Variants in DHX38 observed in about 807,000 individuals in gnomAD.
The protein encoded by DHX38 is pre-mRNA-splicing factor ATP-dependent RNA helicase PRP16.
In DHX38, 100 loss-of-function variants were observed where a neutral mutation model predicts 153.1. The ratio of observed to expected loss-of-function variants is 0.65; its 90% confidence interval spans 0.56 to 0.77. The LOEUF is 0.77. Ranked by LOEUF, DHX38 falls within the 30% of genes least tolerant of loss-of-function variation. The pLI, the probability that DHX38 is intolerant of heterozygous loss-of-function variation, is 0.00. For synonymous variants in DHX38, 650 were observed against 631.7 expected, an observed-to-expected ratio of 1.03 and a Z score of -0.43; for missense variants, 1,440 against 1,654.0, an observed-to-expected ratio of 0.87 and a Z score of 2.24.
intron 18 of DHX38, 68 bp from the exon 19 acceptor site, chr16:72,105,937 T>C (rs1264209179): frequency 2.0e-6 from 3 of 1,471,622 alleles, no homozygotes; most frequent in Non-Finnish European, 2.8e-6. Context: ...GGGCTTGCCT[T>C]TGTCTCAGGC....
intron 2 of DHX38, 104 bp from the exon 3 acceptor site, chr16:72,096,718 G>C: frequency 6.7e-7 from 1 of 1,500,434 alleles, no homozygotes; most frequent in Non-Finnish European, 8.9e-7. Context: ...GTCCCAGGGA[G>C]AGAAAGTGGA....
intron 24 of DHX38, 77 bp downstream of exon 24, chr16:72,109,002 G>A: frequency 6.6e-7 from 1 of 1,512,912 alleles, no homozygotes; most frequent in Middle Eastern, 1.8e-4. Context: ...CTGCGTTCTG[G>A]CATGAGCTTT....
At chr16:72,099,340 C>A in intron 7 of DHX38, 60 bp downstream of exon 7, 3 of 1,446,882 alleles carry the variant, frequency 2.1e-6, no homozygotes, top group Non-Finnish European at 2.8e-6. Context: ...AGATGGGTGA[C>A]CCTCTAGCAG....
At chr16:72,098,577 G>A (rs1433355300) in intron 4 of DHX38, 68 bp from the exon 5 acceptor site, 9 of 1,564,420 alleles carry the variant, frequency 5.8e-6, no homozygotes, top group Non-Finnish European at 2.6e-6. Flanking sequence ...TTGACTTTTG[G>A]CAACTGGTTC....
At chr16:72,103,233 G>C (rs932894328) in intron 12 of DHX38, 22 bp downstream of exon 12, 2 of 1,609,896 alleles carry the variant, frequency 1.2e-6, no homozygotes, top group African/African-American at 1.3e-5. Flanking sequence ...CGGGGCCCAG[G>C]AATCTAGTGT....
Position 72,112,729 on chromosome 16 carries a change from G to C in DHX38, c.*232G>C, listed in dbSNP as rs1385376724. 5 of 705,616 alleles carry C rather than the reference G, an allele frequency of 7.1e-6. No individual in the cohort carries two copies. Among genetic ancestry groups the C allele is most frequent in the Non-Finnish European group, 1.3e-5 (5 of 387,672 alleles). 43.7% of individuals were successfully genotyped at this position (705,616 alleles called of 1,614,324 possible). On this transcript the variant is annotated 3_prime_UTR_variant, in exon 27 of 27. Coordinates refer to ENST00000268482, the MANE Select transcript of DHX38 (RefSeq NM_014003.4). ...GCTGCAGAGTATCCGAGGTGCTGCC[G>C]GGGCAGCGGGAGGTGGCTGGACCCA...
intron 3 of DHX38, chr16:72,097,414 T>G (rs1597438553): frequency 2.1e-6 from 1 of 470,424 alleles, no homozygotes; most frequent in East Asian, 3.6e-5. Flanking sequence ...TTAAAAAAAA[T>G]GATTCACTGT....
At chr16:72,099,679 G>A (rs1159898086) in intron 7 of DHX38, 53 bp from the exon 8 acceptor site, 13 of 1,602,874 alleles carry the variant, frequency 8.1e-6, no homozygotes, top group East Asian at 2.2e-5. Context: ...GCCATGTCTC[G>A]TGCATAAACT....
At position 72,112,725 on chromosome 16, in the gene DHX38, T is replaced by C. The variant is rs1567613907; in HGVS notation, c.*228T>C. The C allele has an allele frequency of 1.4e-6, 1 of 706,910 alleles. No individual in the cohort carries two copies. Among genetic ancestry groups the C allele is most frequent in the Non-Finnish European group, 2.6e-6 (1 of 388,738 alleles). 43.8% of individuals were successfully genotyped at this position (706,910 alleles called of 1,614,324 possible). On this transcript the variant is annotated 3_prime_UTR_variant, in exon 27 of 27. Transcript: ENST00000268482. Reference sequence around the variant, plus strand: ...CGGGGCTGCAGAGTATCCGAGGTGCTGCCGGGGCAGCGGGAGGTGGCTGGA... The same window carrying C: ...CGGGGCTGCAGAGTATCCGAGGTGCCGCCGGGGCAGCGGGAGGTGGCTGGA...
At chr16:72,110,264 C>T (rs1323429309) in intron 25 of DHX38, among the ~76,000 whole-genome samples, 2 of 152,218 alleles carry the variant, frequency 1.3e-5, no homozygotes, top group Non-Finnish European at 2.9e-5. Flanking sequence ...GCCTGTGTTT[C>T]GTGCACTTGC....
intron 19 of DHX38, among the ~76,000 whole-genome samples, chr16:72,106,455 T>TCTTTCTTTCTTTCTTTCTTTCCTTCC: frequency 6.7e-6 from 1 of 148,968 alleles, no homozygotes; most frequent in Non-Finnish European, 1.5e-5. Context: ...TTTCTTTCTT[T>TCTTTCTTTCTTTCTTTCTTTCCTTCC]TTTCCAATTA....
At position 72,109,035 on chromosome 16, in the gene DHX38, C is replaced by T. The variant is rs146842082; in HGVS notation, c.3381+110C>T. On this transcript the variant is annotated intron_variant, in intron 24 of 26. Transcript: ENST00000268482. ...TTTTAGCCTGGGAGCCTTGAGGCCA[C>T]ATGCATTGTTTTGCGGGGCATGTGA... The T allele has an allele frequency of 6.0e-3, 8,707 of 1,459,748 alleles. 41 individuals carry two copies. Among genetic ancestry groups the T allele is most frequent in the Middle Eastern group, 7.2e-3 (38 of 5,258 alleles). The allele number at this position is 1,459,748 out of a possible 1,614,324, so 90.4% of individuals were successfully genotyped here.
intron 17 of DHX38, 63 bp from the exon 18 acceptor site, chr16:72,105,454 C>T (rs1567609202): frequency 1.2e-6 from 2 of 1,605,238 alleles, no homozygotes; most frequent in East Asian, 2.2e-5. Context: ...AGGCTTTTCC[C>T]CCTCGCGGAG....
intron 1 of DHX38, among the ~76,000 whole-genome samples, chr16:72,095,894 G>GGTGTGTGTGT (rs67109934): frequency 6.8e-6 from 1 of 147,168 alleles, no homozygotes; most frequent in African/African-American, 2.5e-5. Context: ...GAATGTATGG[G>GGTGTGTGTGT]GTGTGTGTGT....
chr16:72,107,794 CCCAAGGTGGGG>C lies in DHX38; in HGVS notation c.2961_2964+7del. The stretch of plus-strand genomic sequence containing the variant: ...CTCGGTCCCAGCCATCTTCTACAGG[CCCAAGGTGGGG>C]CAGCGGCTGGCTCCCCTCTCCCCGG... On this transcript the variant is annotated splice_donor_variant and splice_donor_5th_base_variant and coding_sequence_variant and intron_variant, in exon 21 of 27. Transcript: ENST00000268482. LOFTEE classifies it high-confidence loss of function. This position sits in a 1 kb window ranked among gnomAD's most constrained non-coding sequence, Gnocchi z 5.3. 1 of 1,613,390 alleles carries C rather than the reference CCCAAGGTGGGG, an allele frequency of 6.2e-7. No individual in the cohort carries two copies.
At chr16:72,099,342 C>G (rs544199104) in intron 7 of DHX38, 62 bp downstream of exon 7, 1 of 1,427,618 alleles carries the variant, frequency 7.0e-7, no homozygotes, top group African/African-American at 1.4e-5. Flanking sequence ...ATGGGTGACC[C>G]TCTAGCAGGA....
intron 6 of DHX38, 62 bp downstream of exon 6, chr16:72,099,107 G>A: frequency 1.2e-6 from 2 of 1,604,668 alleles, no homozygotes; most frequent in Non-Finnish European, 1.7e-6. Context: ...GGATGAGCAG[G>A]GGCTGCCCTT....
intron 19 of DHX38, 65 bp downstream of exon 19, chr16:72,106,182 C>A: frequency 1.3e-6 from 2 of 1,510,304 alleles, no homozygotes. Flanking sequence ...GGAGCCCGGG[C>A]GGGGGCGGGC....
intron 3 of DHX38, 105 bp from the exon 4 acceptor site, chr16:72,097,572 G>T (rs964248341): frequency 1.3e-5 from 14 of 1,040,698 alleles, no homozygotes; most frequent in Admixed American, 4.0e-5. Context: ...GAGCAGTGCA[G>T]GTTGCACCTG....
Sources: allele counts gnomAD v4.1 joint callset (sites outside exome capture counted in the v4.1 genomes callset), GRCh38; gene constraint gnomAD v4.1.1; non-coding constraint Gnocchi (gnomAD v3.1); transcripts MANE v1.5; gene names NCBI Gene and HGNC (gene_info 2026-07-23, HGNC 2026-07-21).